Variants in DHRSX observed in about 807,000 individuals in gnomAD.
The protein encoded by DHRSX is dehydrogenase/reductase X-linked.
In DHRSX, 31 loss-of-function variants were observed where a neutral mutation model predicts 34.0. That is an observed-to-expected ratio of 0.91 (90% CI 0.69 to 1.23). DHRSX has a LOEUF of 1.23. Ranked by LOEUF, DHRSX falls within the 50% of genes most tolerant of loss-of-function variation. The pLI is 0.00. For synonymous variants in DHRSX, 201 were observed against 183.8 expected (o/e 1.09, Z -0.76); for missense variants, 414 against 428.1 (o/e 0.97, Z 0.29).
intron 1 of DHRSX, among the ~76,000 whole-genome samples, chrX:2,468,927 A>G (rs2044542834): frequency 6.6e-6 from 1 of 151,578 alleles, no homozygotes; most frequent in East Asian, 1.9e-4. Flanking sequence ...TTGCACACTG[A>G]AGACGTTCCC....
At chrX:2,303,179 A>T (rs1371465647) in intron 3 of DHRSX, among the ~76,000 whole-genome samples, 4 of 152,214 alleles carry the variant, frequency 2.6e-5, no homozygotes, top group Non-Finnish European at 4.4e-5. Context: ...CTCCTTGAGA[A>T]AAAAGGCTTA....
At chrX:2,458,967 C>G (rs1323797870) in intron 1 of DHRSX, among the ~76,000 whole-genome samples, 1 of 151,844 alleles carries the variant, frequency 6.6e-6, no homozygotes, top group African/African-American at 2.4e-5. Context: ...TAGCAAGACC[C>G]CATCTCTACA....
chrX:2,298,188 G>A (rs1569485129), intron 3 of DHRSX, among the ~76,000 whole-genome samples: 1 of 152,020 alleles, frequency 6.6e-6, no homozygotes, highest in Non-Finnish European at 1.5e-5. Flanking sequence ...AGGAGCTGGG[G>A]GAGGCCAAAA....
intron 6 of DHRSX, 79 bp from the exon 7 acceptor site, chrX:2,221,308 C>T: frequency 7.0e-7 from 1 of 1,423,350 alleles, no homozygotes. Flanking sequence ...CACATGGATG[C>T]TGCAGGGACA....
intron 1 of DHRSX, among the ~76,000 whole-genome samples, chrX:2,447,014 A>C (rs1393154273): frequency 2.0e-5 from 3 of 151,688 alleles, no homozygotes; most frequent in Non-Finnish European, 4.4e-5. Flanking sequence ...TTCCCTAGGC[A>C]TGAGGCCAAG....
intron 3 of DHRSX, among the ~76,000 whole-genome samples, chrX:2,404,930 G>C (rs1277682016): frequency 6.6e-6 from 1 of 152,208 alleles, no homozygotes; most frequent in Non-Finnish European, 1.5e-5. Context: ...TCCTAATGAG[G>C]AGAAAAGATC....
chrX:2,391,481 A>G (rs943061110), intron 3 of DHRSX, among the ~76,000 whole-genome samples: 1 of 152,186 alleles, frequency 6.6e-6, no homozygotes, highest in African/African-American at 2.4e-5. Flanking sequence ...AGCCATAGGT[A>G]GGAATTCTCA....
At chrX:2,308,237 G>A (rs1255418514) in intron 3 of DHRSX, among the ~76,000 whole-genome samples, 4 of 151,820 alleles carry the variant, frequency 2.6e-5, no homozygotes, top group Admixed American at 2.0e-4. Context: ...TTCAGCCAAC[G>A]AGGGCGCTCC....
intron 1 of DHRSX, among the ~76,000 whole-genome samples, chrX:2,430,538 C>T (rs2043905497): frequency 6.6e-6 from 1 of 152,142 alleles, no homozygotes; most frequent in Non-Finnish European, 1.5e-5. Context: ...GACCAGAGAA[C>T]TGGCTGGACG....
chrX:2,342,340 C>G (rs966109373), intron 3 of DHRSX, among the ~76,000 whole-genome samples: 4 of 152,000 alleles, frequency 2.6e-5, no homozygotes, highest in African/African-American at 9.7e-5. Context: ...GAGCACACAC[C>G]CTCACTCCTT....
chrX:2,343,805 T>A (rs950616423), intron 3 of DHRSX, among the ~76,000 whole-genome samples: 3 of 152,214 alleles, frequency 2.0e-5, no homozygotes, highest in African/African-American at 7.2e-5. Context: ...CGTTGTTTGA[T>A]GTAGAATGTT....
chrX:2,400,654 C>A (rs1347021619), intron 3 of DHRSX, among the ~76,000 whole-genome samples: 2 of 152,158 alleles, frequency 1.3e-5, no homozygotes, highest in African/African-American at 4.8e-5. Context: ...CAGGGACAGG[C>A]GATGAGGAGG....
intron 1 of DHRSX, among the ~76,000 whole-genome samples, chrX:2,483,564 C>G (rs1603154896): frequency 6.6e-6 from 1 of 152,216 alleles, no homozygotes. Context: ...AGCCACTGCA[C>G]CTGGCCATGC....
intron 1 of DHRSX, among the ~76,000 whole-genome samples, chrX:2,464,441 G>C (rs761433072): frequency 0.015 from 1,226 of 81,694 alleles, 27 homozygotes; most frequent in African/African-American, 0.066. Context: ...AAGAATGTGG[G>C]TAAGGGACCG....
rs756282979 is a variant in DHRSX, at chrX:2,481,557, T to G, written c.109+19260A>C. Among the ~76,000 whole-genome samples the G allele has an allele frequency of 2.6e-5, 4 of 151,924 alleles. No individual in the cohort carries two copies. The South Asian group carries it at 8.3e-4, about 32-fold the overall frequency. On this transcript the variant is annotated intron_variant, in intron 1 of 6. Coordinates refer to ENST00000334651, the MANE Select transcript of DHRSX (RefSeq NM_145177.3). ...GGCAGACACCTGTAATCCCAGCTAC[T>G]CAGGAGGCTGAGACAGGAGAATGGC...
rs779722860 is a variant in DHRSX at position 2,317,256 on chromosome X, C to CTTTT, written c.287-25657_287-25654dup. Among the ~76,000 whole-genome samples the CTTTT allele has an allele frequency of 4.3e-3, 372 of 87,430 alleles. 28 individuals carry two copies. The highest frequency in any genetic ancestry group is 6.8e-3 in the Non-Finnish European group (317 of 46,858). The allele number at this position is 87,430 out of a possible 152,430, so 57.4% of individuals were successfully genotyped here. On this transcript the variant is annotated intron_variant, in intron 3 of 6. Transcript: ENST00000334651. The stretch of plus-strand genomic sequence containing the variant: ...TACAGGCGTGAGCCACCGCGCCTGG[C>CTTTT]TTTTTTTTTTTTTGAGACAGAGTCT...
At chrX:2,257,054 G>A (rs1301033206) in intron 5 of DHRSX, among the ~76,000 whole-genome samples, 1 of 152,120 alleles carries the variant, frequency 6.6e-6, no homozygotes, top group Non-Finnish European at 1.5e-5. Context: ...AGTCCCAGTT[G>A]AAGCAATTAT....
At chrX:2,429,119 T>C (rs1316914021) in intron 1 of DHRSX, among the ~76,000 whole-genome samples, 3 of 152,154 alleles carry the variant, frequency 2.0e-5, no homozygotes, top group African/African-American at 7.2e-5. Context: ...CCTCGTAACC[T>C]GAAGATAGAA....
intron 1 of DHRSX, among the ~76,000 whole-genome samples, chrX:2,479,760 T>C (rs1292247742): frequency 6.6e-6 from 1 of 151,398 alleles, no homozygotes; most frequent in Non-Finnish European, 1.5e-5. Flanking sequence ...TCTCTAAGAA[T>C]GTGGCCAATG....
Sources: gnomAD v4.1 joint callset for allele counts (sites outside exome capture counted in the v4.1 genomes callset) on GRCh38, gnomAD v4.1.1 for gene constraint, MANE v1.5 for transcripts, NCBI Gene and HGNC (gene_info 2026-07-23, HGNC 2026-07-21) for gene names.